Variants in MEI4 observed in about 807,000 individuals in gnomAD.
MEI4 encodes the protein meiosis-specific protein MEI4.
Under a neutral mutation model 31.4 loss-of-function variants are expected in MEI4, and 27 were observed. The ratio of observed to expected loss-of-function variants is 0.86; its 90% CI spans 0.63 to 1.19. The LOEUF (loss-of-function observed/expected upper bound fraction) is 1.19, where lower values mean the gene tolerates loss of function less well. Among genes scored for constraint, MEI4 ranks in the 50% most tolerant of loss-of-function variants. The pLI is 0.00. For missense variants in MEI4, 329 were observed against 398.9 expected (o/e 0.82, Z 1.49); for synonymous variants, 122 against 145.4 (o/e 0.84, Z 1.16).
At chr6:77,922,999 C>T (rs767028718) in intron 4 of MEI4, 90 bp from the exon 5 acceptor site, 38 of 703,442 alleles carry the variant, frequency 5.4e-5, no homozygotes, top group East Asian at 2.1e-4. Flanking sequence ...AAATATATTT[C>T]GTTTGCCTGA....
intron 4 of MEI4, 123 bp downstream of exon 4, chr6:77,829,185 T>A (rs1770022748): frequency 1.4e-6 from 1 of 711,214 alleles, no homozygotes; most frequent in African/African-American, 1.8e-5. Flanking sequence ...TTATGTCTAA[T>A]ATATGTGAGT....
chr6:77,805,657 A>G (rs1037344886), intron 3 of MEI4, among the ~76,000 whole-genome samples: 7 of 152,200 alleles, frequency 4.6e-5, no homozygotes, highest in African/African-American at 1.7e-4. Context: ...AGCTTCAAAC[A>G]CCTTACAGTT....
chr6:77,805,612 A>G (rs897213104), intron 3 of MEI4, among the ~76,000 whole-genome samples: 1 of 152,160 alleles, frequency 6.6e-6, no homozygotes, highest in Admixed American at 6.5e-5. Context: ...GTTACTTAGT[A>G]TTAGTGTCTT....
intron 3 of MEI4, among the ~76,000 whole-genome samples, chr6:77,768,507 C>G (rs1368125574): frequency 6.6e-6 from 1 of 152,054 alleles, no homozygotes; most frequent in Non-Finnish European, 1.5e-5. Flanking sequence ...CGAGACCAGC[C>G]TGGCCAACGT....
chr6:77,891,484 T>C (rs1182621367), intron 4 of MEI4, among the ~76,000 whole-genome samples: 4 of 152,196 alleles, frequency 2.6e-5, no homozygotes, highest in Non-Finnish European at 5.9e-5. Flanking sequence ...TCTGATGATA[T>C]CTTTCTCGTC....
chr6:77,675,229 T>C (rs1768819688), intron 1 of MEI4, among the ~76,000 whole-genome samples: 1 of 152,130 alleles, frequency 6.6e-6, no homozygotes, highest in African/African-American at 2.4e-5. Flanking sequence ...TGGATTATCT[T>C]TTCTTTATTA....
intron 1 of MEI4, among the ~76,000 whole-genome samples, 186 bp from the exon 2 acceptor site, chr6:77,690,472 G>A (rs750487572): frequency 1.3e-5 from 2 of 151,810 alleles, no homozygotes; most frequent in Non-Finnish European, 2.9e-5. Context: ...GCATGTGTGT[G>A]TATTTTTCTT....
At chr6:77,749,825 AC>A (rs1767719990) in intron 2 of MEI4, among the ~76,000 whole-genome samples, 3 of 152,188 alleles carry the variant, frequency 2.0e-5, no homozygotes, top group Non-Finnish European at 4.4e-5. Context: ...GATCAGATTC[AC>A]CAAGGTTGAA....
At chr6:77,659,481 T>TA (rs1212003206) in intron 1 of MEI4, among the ~76,000 whole-genome samples, 1 of 152,114 alleles carries the variant, frequency 6.6e-6, no homozygotes, top group African/African-American at 2.4e-5. Context: ...TCAGAGGTTG[T>TA]AATGGGGACT....
rs1473729141 is a variant in MEI4, at chr6:77,867,967, AC to A, written c.900+38906del. Among the ~76,000 whole-genome samples, 5 of 152,186 alleles carry A rather than the reference AC, an allele frequency of 3.3e-5. No homozygotes were observed. The East Asian group carries it at 9.8e-4, about 30-fold the overall frequency. On this transcript the variant is annotated intron_variant, in intron 4 of 4. Transcript: ENST00000684080. ...TCATTCTCAGCAAACTATTGCAAGG[AC>A]AAAAAAACCAAACACCGCATGTTCT...
At chr6:77,900,144 T>A (rs7770147) in intron 4 of MEI4, among the ~76,000 whole-genome samples, 56,064 of 151,432 alleles carry the variant, frequency 0.37, 11,511 homozygotes, top group African/African-American at 0.56. Context: ...AGCCAAAAAA[T>A]AATTATTGGC....
chr6:77,750,802 A>C (rs1362270854), intron 2 of MEI4, among the ~76,000 whole-genome samples: 8 of 152,176 alleles, frequency 5.3e-5, no homozygotes, highest in Non-Finnish European at 1.0e-4. Flanking sequence ...CTCCACCCCA[A>C]ATCAACAGAA....
In MEI4 at chr6:77,857,849, G is replaced by A. The variant is rs73763513; in HGVS notation, c.900+28787G>A. Among the ~76,000 whole-genome samples the A allele has an allele frequency of 9.0e-3, 1,378 of 152,280 alleles. 16 individuals carry two copies. The highest frequency in any genetic ancestry group is 0.031 in the African/African-American group (1,276 of 41,554). On this transcript the variant is annotated intron_variant, in intron 4 of 4. Transcript: ENST00000684080. ...GCAGAATTTCTTCTATTGAAGCCATGTTTTTAACCGTATGTATTGAGGGAA... is the reference window on the plus strand; with the variant it reads ...GCAGAATTTCTTCTATTGAAGCCATATTTTTAACCGTATGTATTGAGGGAA...
intron 3 of MEI4, among the ~76,000 whole-genome samples, chr6:77,824,277 A>T (rs960219189): frequency 1.3e-5 from 2 of 151,936 alleles, no homozygotes; most frequent in African/African-American, 4.8e-5. Context: ...TTTAGTAGAG[A>T]TGTATTTTGT....
intron 4 of MEI4, among the ~76,000 whole-genome samples, chr6:77,883,745 A>ATATATATATATATATATATATATCTAT (rs55947073): frequency 1.2e-5 from 1 of 82,312 alleles, no homozygotes; most frequent in African/African-American, 5.0e-5. Flanking sequence ...TATATATATA[A>ATATATATATATATATATATATATCTAT]CTTTGTCTTT....
intron 3 of MEI4, among the ~76,000 whole-genome samples, chr6:77,795,199 A>G (rs1026540873): frequency 6.6e-6 from 1 of 152,210 alleles, no homozygotes; most frequent in Non-Finnish European, 1.5e-5. Context: ...AGCATAATGA[A>G]GGAAATAATA....
chr6:77,771,422 A>T (rs558765324), intron 3 of MEI4, among the ~76,000 whole-genome samples: 1 of 152,182 alleles, frequency 6.6e-6, no homozygotes, highest in African/African-American at 2.4e-5. Context: ...TTTTACCTGG[A>T]AATTTCATTA....
In MEI4 at chr6:77,767,990, A is replaced by C. The variant is rs563929301; in HGVS notation, c.768+6325A>C. On this transcript the variant is annotated intron_variant, in intron 3 of 4. Coordinates refer to ENST00000684080, the MANE Select transcript of MEI4 (RefSeq NM_001322247.2). ...TTATTAAAATAATAGCAGTCTTCCT[A>C]TTATGCTTTATAGTTTATAAAGTAC... Among the ~76,000 whole-genome samples the C allele has an allele frequency of 2.6e-5, 4 of 152,306 alleles. No homozygotes were observed. The South Asian group carries it at 8.3e-4, about 32-fold the overall frequency.
At chr6:77,673,152 T>G (rs149082999) in intron 1 of MEI4, among the ~76,000 whole-genome samples, 1 of 152,232 alleles carries the variant, frequency 6.6e-6, no homozygotes, top group African/African-American at 2.4e-5. Context: ...AATATAATGG[T>G]TAAATTAATA....
Sources: allele counts gnomAD v4.1 joint callset (sites outside exome capture counted in the v4.1 genomes callset), GRCh38; gene constraint gnomAD v4.1.1; transcripts MANE v1.5; gene names NCBI Gene and HGNC (gene_info 2026-07-23, HGNC 2026-07-21).